UMODL1: variants seen among roughly 807,000 people sequenced by gnomAD.
The protein encoded by UMODL1 is uromodulin-like 1.
Under a neutral mutation model 136.3 loss-of-function variants are expected in UMODL1, and 128 were observed. The observed-to-expected ratio is 0.94, with a 90% CI of 0.81 to 1.09. The LOEUF (loss-of-function observed/expected upper bound fraction) is 1.09. UMODL1 is among the 50% of genes least tolerant of loss of function. UMODL1 has a pLI of 0.00. For synonymous variants in UMODL1, 721 were observed against 720.0 expected, an observed-to-expected ratio of 1.00 and a Z score of -0.02; for missense variants, 1,766 against 1,725.6, an observed-to-expected ratio of 1.02 and a Z score of -0.41.
chr21:42,088,550 G>A, intron 5 of UMODL1, 70 bp downstream of exon 5: 1 of 1,444,622 alleles, frequency 6.9e-7, no homozygotes, highest in Non-Finnish European at 9.3e-7. Flanking sequence ...AATGCAAGGT[G>A]GACGCTAAAG....
upstream of UMODL1, among the ~76,000 whole-genome samples, chr21:42,068,099 G>A (rs532099969): frequency 1.3e-5 from 2 of 152,262 alleles, no homozygotes; most frequent in Admixed American, 6.5e-5. This position sits in a 1 kb window ranked among gnomAD's most constrained non-coding sequence, Gnocchi z 5.5. Context: ...GTGTGAGGGT[G>A]GACCAGGCTT....
At position 42,099,996 on chromosome 21, in the gene UMODL1, C is replaced by T. The variant is rs220318; in HGVS notation, c.1186+816C>T. On this transcript the variant is annotated intron_variant, in intron 7 of 22. Transcript: ENST00000408910. The surrounding 1 kb of genome is among the most constrained non-coding windows in gnomAD (Gnocchi z 4.1). ...TTGGGGCTTGTGTCAGGAAGGCAGCCGGTGTGGCCCATCTGGGTCTGTCCC... is the reference window on the plus strand; with the variant it reads ...TTGGGGCTTGTGTCAGGAAGGCAGCTGGTGTGGCCCATCTGGGTCTGTCCC... Among the ~76,000 whole-genome samples the T allele has an allele frequency of 0.28, 41,918 of 152,094 alleles. 6,066 individuals are homozygous for T. The highest frequency in any genetic ancestry group is 0.36 in the East Asian group (1,863 of 5,152).
At position 42,099,438 on chromosome 21, in the gene UMODL1, C is replaced by T. The variant is rs1367936171; in HGVS notation, c.1186+258C>T. On this transcript the variant is annotated intron_variant, in intron 7 of 22. Transcript: ENST00000408910. The surrounding 1 kb of genome is among the most constrained non-coding windows in gnomAD (Gnocchi z 4.1). ...TTCGTTCTGCCGTGTGAGGGGACAA[C>T]ATGTGGACTCAGAAGCACCAATAAG... 1.3e-5 allele frequency among the ~76,000 whole-genome samples: 2 copies of T among 152,138 alleles called. No homozygotes were observed. Among genetic ancestry groups the T allele is most frequent in the Non-Finnish European group, 2.9e-5 (2 of 68,014 alleles).
At chr21:42,066,071 G>A (rs1310460153) in intron 1 of UMODL1, among the ~76,000 whole-genome samples, 1 of 152,178 alleles carries the variant, frequency 6.6e-6, no homozygotes, top group Admixed American at 6.5e-5. Flanking sequence ...TTATCAATAG[G>A]CTCCAAAGCT....
chr21:42,138,274 G>A (rs1043374936), intron 22 of UMODL1, among the ~76,000 whole-genome samples: 4 of 152,202 alleles, frequency 2.6e-5, no homozygotes, highest in Non-Finnish European at 5.9e-5. Context: ...CTCAATTGCT[G>A]GTGGATCCTA....
intron 20 of UMODL1, among the ~76,000 whole-genome samples, chr21:42,128,583 A>G (rs220160): frequency 0.85 from 129,020 of 152,170 alleles, 55,188 homozygotes; most frequent in Middle Eastern, 0.97. Context: ...GATTCTGTTC[A>G]TGTCTGTTTT....
chr21:42,118,716 C>T (rs2066929491), intron 14 of UMODL1, among the ~76,000 whole-genome samples: 1 of 152,160 alleles, frequency 6.6e-6, no homozygotes, highest in South Asian at 2.1e-4. Context: ...CTCCCCACGA[C>T]CCTGCACTCA....
In UMODL1 at chr21:42,109,687, C is replaced by T. The variant is rs200123208; in HGVS notation, c.1645C>T (p.Arg549Trp). 333 of 1,603,636 alleles carry T rather than the reference C, an allele frequency of 2.1e-4. 1 individual carries two copies. The African/African-American group carries it at 3.2e-3, about 15-fold the overall frequency. The change falls in exon 10 of 23, where the codon CGG (arginine) becomes TGG (tryptophan). Residue 549 changes from arginine (R) to tryptophan (W), a missense_variant. By Grantham distance (101) the Arg-to-Trp change is moderately radical. Transcript: ENST00000408910. ...GGACGCCACCCCCTCCCGCGCAGGCCGGGCCTGTGAGGGTACGTGTCGACC... is the reference window on the plus strand; with the variant it reads ...GGACGCCACCCCCTCCCGCGCAGGCTGGGCCTGTGAGGGTACGTGTCGACC... Reference protein sequence around the residue: ...TRDATPSRAGRACEGDLVSPM... With the variant: ...TRDATPSRAGWACEGDLVSPM...
chr21:42,111,147 G>C, intron 11 of UMODL1, 26 bp downstream of exon 11: 1 of 1,593,538 alleles, frequency 6.3e-7, no homozygotes, highest in Non-Finnish European at 8.5e-7. Context: ...CCGGGTCTGG[G>C]GATGGACCAG....
intron 6 of UMODL1, among the ~76,000 whole-genome samples, chr21:42,095,960 T>C (rs1024681360): frequency 6.6e-6 from 1 of 152,162 alleles, no homozygotes; most frequent in African/African-American, 2.4e-5. Context: ...TGCAGGGGGC[T>C]CACACCAGGG....
chr21:42,102,327 G>A (rs2146478151), intron 8 of UMODL1, 49 bp downstream of exon 8: 1 of 1,386,682 alleles, frequency 7.2e-7, no homozygotes, highest in South Asian at 1.2e-5. Context: ...TTCTGAGTGA[G>A]GACATCAAAC....
chr21:42,135,970 C>T (rs1486950665), intron 21 of UMODL1, among the ~76,000 whole-genome samples: 3 of 152,152 alleles, frequency 2.0e-5, no homozygotes, highest in African/African-American at 4.8e-5. Context: ...CTCCTGGTTG[C>T]ACAGAAAGGC....
Position 42,113,824 on chromosome 21 carries a change from A to C in UMODL1, c.2356A>C (p.Arg786=), listed in dbSNP as rs1406570936. ...AGGTGCCAGAGCTCATCTGAAAGTG[A>C]GGACAGGTAATGGGCTTCCATTTGT... The part of the protein sequence containing the change: ...KEGARAHLKV[R]TAARKLIGKV... The change falls in exon 13 of 23, where the codon AGG becomes CGG. Residue 786 remains arginine (R), a synonymous_variant. Coordinates refer to ENST00000408910, the MANE Select transcript of UMODL1 (RefSeq NM_001004416.3). 1 of 1,612,678 alleles carries C rather than the reference A, an allele frequency of 6.2e-7. No homozygotes were observed. Among genetic ancestry groups the C allele is most frequent in the Non-Finnish European group, 8.5e-7 (1 of 1,179,194 alleles).
chr21:42,084,323 G>A, intron 3 of UMODL1, 78 bp downstream of exon 3: 1 of 1,490,158 alleles, frequency 6.7e-7, no homozygotes, highest in Admixed American at 2.2e-5. Flanking sequence ...TGAAGGTGTG[G>A]GGGGGAGTGT....
intron 16 of UMODL1, among the ~76,000 whole-genome samples, chr21:42,121,550 C>T (rs1333244080): frequency 2.0e-5 from 3 of 152,164 alleles, no homozygotes; most frequent in South Asian, 2.1e-4. Context: ...GCTGAGCGAC[C>T]GTCTTGTGAA....
chr21:42,075,856 G>A lies in UMODL1; in HGVS notation c.77-149G>A, dbSNP rs962902235. On this transcript the variant is annotated intron_variant, in intron 1 of 22. Transcript: ENST00000408910. The stretch of plus-strand genomic sequence containing the variant: ...GTGCACTAGCAGGCAAAGGCCAGTG[G>A]AGAGGGCTGGTGGGCAGCTTCTGAG... 5.3e-6 allele frequency: 6 copies of A among 1,141,698 alleles called. No homozygotes were observed. In the African/African-American group the frequency reaches 7.8e-5, roughly 15 times the overall value. The allele number at this position is 1,141,698 out of a possible 1,614,324, so 70.7% of individuals were successfully genotyped here. A position where few individuals can be genotyped will look rare whatever the true frequency, so the allele number is the denominator to read the frequency against.
At chr21:42,091,419 A>G (rs1465612685) in intron 6 of UMODL1, among the ~76,000 whole-genome samples, 1 of 152,170 alleles carries the variant, frequency 6.6e-6, no homozygotes, top group East Asian at 1.9e-4. Context: ...GGAGGGATGT[A>G]CCAGCCAGGA....
At chr21:42,098,846 T>C (rs1221189026) in intron 6 of UMODL1, 80 bp from the exon 7 acceptor site, 3 of 1,560,260 alleles carry the variant, frequency 1.9e-6, no homozygotes, top group Non-Finnish European at 2.6e-6. Context: ...CAAGTTGAGA[T>C]GAGGCTCTGT....
intron 14 of UMODL1, 61 bp from the exon 15 acceptor site, chr21:42,119,050 G>C: frequency 6.4e-7 from 1 of 1,554,182 alleles, no homozygotes; most frequent in Non-Finnish European, 8.8e-7. Context: ...GAACCGCCTT[G>C]AGACGGGCAT....
Sources: gnomAD v4.1 joint callset for allele counts (sites outside exome capture counted in the v4.1 genomes callset) on GRCh38, gnomAD v4.1.1 for gene constraint, Gnocchi (gnomAD v3.1) non-coding constraint, MANE v1.5 for transcripts, NCBI Gene and HGNC (gene_info 2026-07-23, HGNC 2026-07-21) for gene names.